The following ATG2B variants were observed in gnomAD, a reference collection of about 807,000 sequenced individuals.
ATG2B encodes the protein autophagy-related protein 2 homolog B.
Under a neutral mutation model 241.3 loss-of-function variants are expected in ATG2B, and 121 were observed. The observed-to-expected ratio is 0.50, with a 90% CI of 0.43 to 0.58. The LOEUF is 0.58. Ranked by LOEUF, ATG2B falls within the 20% of genes least tolerant of loss-of-function variation. The probability of loss-of-function intolerance (pLI) is 0.00; values close to 1 mark genes in which losing one functional copy is unlikely to be tolerated. For synonymous variants in ATG2B, 858 were observed against 876.6 expected, an observed-to-expected ratio of 0.98 and a Z score of 0.37; for missense variants, 2,306 against 2,491.6, an observed-to-expected ratio of 0.93 and a Z score of 1.59.
intron 1 of ATG2B, among the ~76,000 whole-genome samples, chr14:96,357,774 A>C (rs1888518841): frequency 6.6e-6 from 1 of 152,022 alleles, no homozygotes; most frequent in Non-Finnish European, 1.5e-5. Context: ...TGCTTGCTTC[A>C]TGTATTAAGT....
chr14:96,314,764 G>A (rs1361154779), intron 23 of ATG2B, among the ~76,000 whole-genome samples: 2 of 152,334 alleles, frequency 1.3e-5, no homozygotes. Context: ...GCAGTGGCAC[G>A]ATCTCAGCTC....
chr14:96,313,062 T>G lies in ATG2B; in HGVS notation c.3842+3A>C. 6.3e-7 allele frequency: 1 copy of G among 1,584,296 alleles called. No homozygotes were observed. Among genetic ancestry groups the G allele is most frequent in the Non-Finnish European group, 8.7e-7 (1 of 1,153,174 alleles). Reference sequence around the variant, plus strand: ...TAGTATACAATGAAGTTTACACAGGTACCTGAGAGTAGAGGAAGATTTATC... The same window carrying G: ...TAGTATACAATGAAGTTTACACAGGGACCTGAGAGTAGAGGAAGATTTATC... On this transcript the variant is annotated splice_donor_region_variant and intron_variant, in intron 25 of 41. Transcript: ENST00000359933.
intron 1 of ATG2B, among the ~76,000 whole-genome samples, chr14:96,357,345 C>G (rs1412368937): frequency 6.6e-6 from 1 of 152,124 alleles, no homozygotes; most frequent in Admixed American, 6.6e-5. Flanking sequence ...ACTACCCACG[C>G]ACTTTGTGCA....
intron 41 of ATG2B, among the ~76,000 whole-genome samples, chr14:96,286,410 GT>G (rs1408609116): frequency 2.0e-5 from 3 of 152,086 alleles, no homozygotes; most frequent in African/African-American, 7.2e-5. Context: ...TACTTAATTT[GT>G]TTTAAATTAC....
At chr14:96,295,779 A>G (rs915337367) in intron 34 of ATG2B, among the ~76,000 whole-genome samples, 5 of 144,354 alleles carry the variant, frequency 3.5e-5, no homozygotes, top group South Asian at 2.2e-4. Context: ...TTTAATTCTC[A>G]TAACTTTATG....
At chr14:96,330,813 A>G (rs1167408385) in intron 11 of ATG2B, among the ~76,000 whole-genome samples, 1 of 152,060 alleles carries the variant, frequency 6.6e-6, no homozygotes, top group Non-Finnish European at 1.5e-5. Context: ...TACAAATTCA[A>G]TTATCTCCTC....
At position 96,329,730 on chromosome 14, in the gene ATG2B, C is replaced by A; in HGVS notation, c.1731-96G>T. The A allele has an allele frequency of 5.7e-6, 4 of 700,270 alleles. No homozygotes were observed. The South Asian group carries it at 8.7e-5, about 15-fold the overall frequency. The allele number at this position is 700,270 out of a possible 1,614,324, so 43.4% of individuals were successfully genotyped here. On this transcript the variant is annotated intron_variant, in intron 11 of 41. Coordinates refer to ENST00000359933, the MANE Select transcript of ATG2B (RefSeq NM_018036.7). ...GTTCAAGTTATCAATAATTAATACT[C>A]CTAAGGAAATTAACCAGAAAGATTG... is the stretch of plus-strand genomic sequence containing the variant.
In ATG2B at chr14:96,362,945, T is replaced by C; in HGVS notation, c.32A>G (p.Lys11Arg). 6.2e-7 allele frequency: 1 copy of C among 1,613,596 alleles called. No individual in the cohort carries two copies. Among genetic ancestry groups the C allele is most frequent in the Non-Finnish European group, 8.5e-7 (1 of 1,179,934 alleles). MPWPFSESIK[K>R]RACRYLLQRY... ...CTGCAGGAGGTACCGGCAGGCCCTC[T>C]TCTTGATGGACTCCGAAAACGGCCA... The change falls in exon 1 of 42, where the codon AAG becomes AGG. Residue 11 changes from lysine (K) to arginine (R), a missense_variant. Coordinates refer to ENST00000359933, the MANE Select transcript of ATG2B (RefSeq NM_018036.7).
Position 96,317,169 on chromosome 14 carries a change from T to C in ATG2B, c.3186A>G (p.Leu1062=), listed in dbSNP as rs776841010. Residue 1062 remains leucine (L), a synonymous_variant, in exon 20 of 42, where the codon TTA becomes TTG. Coordinates refer to ENST00000359933, the MANE Select transcript of ATG2B (RefSeq NM_018036.7). The part of the protein sequence containing the change: ...LSVLLNINHG[L]IAVFTDVKQD... Reference sequence around the variant, plus strand: ...CCTTCACATCTGTGAACACTGCTATTAATCCATGATTAATATTCAGAAGAA... The same window carrying C: ...CCTTCACATCTGTGAACACTGCTATCAATCCATGATTAATATTCAGAAGAA... 7.4e-6 allele frequency: 12 copies of C among 1,612,854 alleles called. No homozygotes were observed. Among genetic ancestry groups the C allele is most frequent in the Non-Finnish European group, 1.0e-5 (12 of 1,179,568 alleles).
At chr14:96,313,637 CTGA>C (rs1426549798) in intron 23 of ATG2B, among the ~76,000 whole-genome samples, 2 of 152,078 alleles carry the variant, frequency 1.3e-5, no homozygotes, top group African/African-American at 4.8e-5. Context: ...GTAATGGATA[CTGA>C]TGGATGTGTT....
chr14:96,315,432 C>T lies in ATG2B; in HGVS notation c.3513G>A (p.Leu1171=), dbSNP rs1887281415. Residue 1171 remains leucine (L), a synonymous_variant, in exon 22 of 42, where the codon CTG becomes CTA. Coordinates refer to ENST00000359933, the MANE Select transcript of ATG2B (RefSeq NM_018036.7). ...CAGACAATATTTTAACGGCAACAGACAGCATATTCAAACTGTCTCCTCCAA... is the reference window on the plus strand; with the variant it reads ...CAGACAATATTTTAACGGCAACAGATAGCATATTCAAACTGTCTCCTCCAA... ...DGVGGDSLNM[L]SVAVKILSDK... is the part of the protein sequence containing the mutation. The T allele has an allele frequency of 1.2e-6, 2 of 1,614,152 alleles. No individual in the cohort carries two copies. The highest frequency in any genetic ancestry group is 1.7e-6 in the Non-Finnish European group (2 of 1,180,016).
chr14:96,311,242 T>C lies in ATG2B; in HGVS notation c.4036A>G (p.Ile1346Val), dbSNP rs756276197. Residue 1346 changes from isoleucine to valine, a missense_variant, in exon 28 of 42, where the codon ATC (isoleucine) becomes GTC (valine). Around this residue, in one of 2 missense-constraint regions of ATG2B, gnomAD observed 1,927 missense variants for 2,011.2 expected, o/e 0.96. Transcript: ENST00000359933. ...ELHCSSDVVH[I>V]RTCSDSCAAL... is the part of the protein sequence containing the mutation. ...GCACAAGAGTCTGAGCACGTTCTGA[T>C]ATGGACAACATCGCTGGAACAGTGT... The C allele has an allele frequency of 3.1e-6, 5 of 1,614,026 alleles. No individual in the cohort carries two copies. In the Admixed American group the frequency reaches 6.7e-5, roughly 22 times the overall value.
In ATG2B at chr14:96,331,136, T is replaced by C. The variant is rs8012399; in HGVS notation, c.1730+240A>G. On this transcript the variant is annotated intron_variant, in intron 11 of 41. Coordinates refer to ENST00000359933, the MANE Select transcript of ATG2B (RefSeq NM_018036.7). ...GGGCAGGGAACTAAAGAGATCACTT[T>C]GAAAACTCCTATTATCTAGATCTGT... Among the ~76,000 whole-genome samples the C allele has an allele frequency of 0.95, 144,615 of 152,340 alleles. 69,168 individuals carry two copies. Among genetic ancestry groups the C allele is most frequent in the Non-Finnish European group, 0.99 (67,173 of 68,034 alleles).
Position 96,316,647 on chromosome 14 carries a change from C to G in ATG2B, c.3247G>C (p.Glu1083Gln). The G allele has an allele frequency of 6.2e-7, 1 of 1,611,100 alleles. No homozygotes were observed. Among genetic ancestry groups the G allele is most frequent in the Non-Finnish European group, 8.5e-7 (1 of 1,179,222 alleles). The change falls in exon 21 of 42, where the codon GAA becomes CAA. Residue 1083 changes from glutamate (E) to glutamine (Q), a missense_variant. Around this residue, in one of 2 missense-constraint regions of ATG2B, gnomAD observed 1,927 missense variants for 2,011.2 expected, o/e 0.96. Coordinates refer to ENST00000359933, the MANE Select transcript of ATG2B (RefSeq NM_018036.7). ...CCACTATTGAACTCTAACCAGAATT[C>G]ACCATGCTTGTTTTCCAACAGATCT... ...NGDLLENKHG[E>Q]FWLEFNSGSL...
intron 36 of ATG2B, chr14:96,292,989 A>G (rs930621075): frequency 6.6e-6 from 1 of 152,110 alleles, no homozygotes; most frequent in South Asian, 2.1e-4. Context: ...TTGTATTTTT[A>G]ATTTGTATTA....
At chr14:96,360,165 T>G (rs950225954) in intron 1 of ATG2B, among the ~76,000 whole-genome samples, 7 of 152,230 alleles carry the variant, frequency 4.6e-5, no homozygotes, top group African/African-American at 1.7e-4. Context: ...TGTTTAAGGG[T>G]TGGATTTAAA....
chr14:96,317,215 T>C lies in ATG2B; in HGVS notation c.3140A>G (p.Asn1047Ser). 1 of 1,613,608 alleles carries C rather than the reference T, an allele frequency of 6.2e-7. No individual in the cohort carries two copies. The highest frequency in any genetic ancestry group is 8.5e-7 in the Non-Finnish European group (1 of 1,179,610). ...RKKKLDSQNK[N>S]SQSFLSVLLN... ...AAGAACTGAGAGAAAACTCTGAGAG[T>C]TCTTGTTCTGAGAGTCTAATTTTTT... The change falls in exon 20 of 42, where the codon AAC (asparagine) becomes AGC (serine). Residue 1047 changes from asparagine (N) to serine (S), a missense_variant. Physicochemically the swap from Asn to Ser is conservative, Grantham distance 46. Transcript: ENST00000359933.
At chr14:96,336,011 G>A (rs1887860073) in intron 6 of ATG2B, among the ~76,000 whole-genome samples, 1 of 151,978 alleles carries the variant, frequency 6.6e-6, no homozygotes, top group Non-Finnish European at 1.5e-5. Flanking sequence ...AATGTAACAT[G>A]GTAACTGAAA....
intron 18 of ATG2B, among the ~76,000 whole-genome samples, chr14:96,321,535 A>G (rs567465726): frequency 1.3e-5 from 2 of 152,266 alleles, no homozygotes; most frequent in Admixed American, 6.5e-5. Flanking sequence ...CATTTTACAG[A>G]AGAGGATGCT....
Sources: allele counts gnomAD v4.1 joint callset (sites outside exome capture counted in the v4.1 genomes callset), GRCh38; gene constraint gnomAD v4.1.1; regional missense constraint gnomAD v4.1.1; transcripts MANE v1.5; gene names NCBI Gene and HGNC (gene_info 2026-07-23, HGNC 2026-07-21).